The following TUBGCP3 variants were observed in gnomAD, a reference collection of about 807,000 sequenced individuals.
TUBGCP3 encodes the protein tubulin gamma complex component 3, also known as gamma-tubulin complex component 3.
Under a neutral mutation model 123.1 loss-of-function variants are expected in TUBGCP3, and 50 were observed. The observed-to-expected ratio is 0.41, with a 90% CI of 0.32 to 0.51. The LOEUF is 0.51. TUBGCP3 is among the 20% of genes least tolerant of loss of function. The pLI, the probability that TUBGCP3 is intolerant of heterozygous loss-of-function variation, is 0.36. For missense variants in TUBGCP3, 882 were observed against 1,127.0 expected, an observed-to-expected ratio of 0.78 and a Z score of 3.11; for synonymous variants, 405 against 413.9, an observed-to-expected ratio of 0.98 and a Z score of 0.26.
the TUBGCP3 span, among the ~76,000 whole-genome samples, chr13:112,595,529 GTA>G: frequency 6.6e-6 from 1 of 152,120 alleles, no homozygotes; most frequent in Non-Finnish European, 1.5e-5. Flanking sequence ...GTCGTTTAGT[GTA>G]TATATGTTTA....
chr13:112,574,907 A>G (rs1435622550), intron 1 of TUBGCP3, among the ~76,000 whole-genome samples: 1 of 152,216 alleles, frequency 6.6e-6, no homozygotes, highest in Non-Finnish European at 1.5e-5. Context: ...AAAACCTCCG[A>G]GCCAGGCCCA....
the TUBGCP3 span, among the ~76,000 whole-genome samples, chr13:112,601,527 T>A: frequency 6.6e-6 from 1 of 152,168 alleles, no homozygotes; most frequent in Non-Finnish European, 1.5e-5. Context: ...TAACGAGAAG[T>A]GTGTGCTGAG....
Position 112,524,001 on chromosome 13 carries a change from G to A in TUBGCP3, c.1556-1492C>T, listed in dbSNP as rs1164767905. ...AGACCCTGGCAGCCATGGACAGGACGACGGGGACCACAGGAGTCGTCACAG... is the reference window on the plus strand; with the variant it reads ...AGACCCTGGCAGCCATGGACAGGACAACGGGGACCACAGGAGTCGTCACAG... On this transcript the variant is annotated intron_variant, in intron 13 of 21. Transcript: ENST00000261965. This position sits in a 1 kb window ranked among gnomAD's most constrained non-coding sequence, Gnocchi z 4.4. Among the ~76,000 whole-genome samples the A allele has an allele frequency of 6.6e-6, 1 of 152,118 alleles. No homozygotes were observed. Among genetic ancestry groups the A allele is most frequent in the Admixed American group, 6.5e-5 (1 of 15,282 alleles).
intron 11 of TUBGCP3, among the ~76,000 whole-genome samples, chr13:112,541,098 T>A (rs75114025): frequency 0.054 from 8,217 of 152,312 alleles, 249 homozygotes; most frequent in Middle Eastern, 0.11. Context: ...AATCGATTTA[T>A]CAGTTTTTGC....
upstream of TUBGCP3, among the ~76,000 whole-genome samples, chr13:112,591,545 A>T (rs1320179819): frequency 6.6e-6 from 1 of 152,206 alleles, no homozygotes; most frequent in Non-Finnish European, 1.5e-5. Flanking sequence ...TGTGCTAGTA[A>T]ATTACAGGAC....
Position 112,504,521 on chromosome 13 carries a change from C to G in TUBGCP3, c.2175+105G>C, listed in dbSNP as rs1000289804. The stretch of plus-strand genomic sequence containing the variant: ...AAAAAGAAAAAATTATGTATATATA[C>G]ACATATATATACACACATACATACA... On this transcript the variant is annotated intron_variant, in intron 18 of 21. Transcript: ENST00000261965. 1.5e-5 allele frequency: 11 copies of G among 725,544 alleles called. No homozygotes were observed. In the Admixed American group the frequency reaches 2.1e-4, roughly 14 times the overall value. The allele number at this position is 725,544 out of a possible 1,614,324, so 44.9% of individuals were successfully genotyped here.
At position 112,524,458 on chromosome 13, in the gene TUBGCP3, GC is replaced by G. The variant is rs1048384065; in HGVS notation, c.1556-1950del. The stretch of plus-strand genomic sequence containing the variant: ...ATGGGGACGCCCTGTCCCAGGCACA[GC>G]CCATGTGTGCGCCGCCTTCTCTAGG... On this transcript the variant is annotated intron_variant, in intron 13 of 21. Coordinates refer to ENST00000261965, the MANE Select transcript of TUBGCP3 (RefSeq NM_006322.6). The surrounding 1 kb of genome is among the most constrained non-coding windows in gnomAD (Gnocchi z 4.4). Among the ~76,000 whole-genome samples the G allele has an allele frequency of 6.6e-6, 1 of 152,206 alleles. No individual in the cohort carries two copies. The highest frequency in any genetic ancestry group is 2.4e-5 in the African/African-American group (1 of 41,458).
intron 21 of TUBGCP3, among the ~76,000 whole-genome samples, chr13:112,488,069 T>A (rs1378568810): frequency 6.7e-6 from 1 of 150,042 alleles, no homozygotes; most frequent in African/African-American, 2.5e-5. Context: ...GAGACGGGGA[T>A]TGCAGTGAGC....
rs1876871885 is a variant in TUBGCP3, at chr13:112,524,334, T to C, written c.1556-1825A>G. On this transcript the variant is annotated intron_variant, in intron 13 of 21. Transcript: ENST00000261965. The surrounding 1 kb of genome is among the most constrained non-coding windows in gnomAD (Gnocchi z 4.4). ...ATCCTCAGTTGATTGAATCTGCAGA[T>C]GTGGGGCGGTGGGTACAGGGGCCGC... is the stretch of plus-strand genomic sequence containing the variant. 6.6e-6 allele frequency among the ~76,000 whole-genome samples: 1 copy of C among 152,222 alleles called. No homozygotes were observed. The highest frequency in any genetic ancestry group is 1.5e-5 in the Non-Finnish European group (1 of 68,038).
intron 17 of TUBGCP3, among the ~76,000 whole-genome samples, chr13:112,509,247 CG>C (rs1258159715): frequency 1.3e-5 from 2 of 152,322 alleles, no homozygotes; most frequent in African/African-American, 4.8e-5. Flanking sequence ...TGGATTTTCC[CG>C]TATCGATTGA....
Position 112,545,802 on chromosome 13 carries a change from A to G in TUBGCP3, c.1232T>C (p.Met411Thr), listed in dbSNP as rs944979737. Reference protein sequence around the residue: ...HAYTKTGDPYMRSLVQHILSL... With the variant: ...HAYTKTGDPYTRSLVQHILSL... Reference sequence around the variant, plus strand: ...GAGGATGTGCTGCACCAGAGACCGCATGTACGGGTCTCCTGTTTTTGTGTA... The same window carrying G: ...GAGGATGTGCTGCACCAGAGACCGCGTGTACGGGTCTCCTGTTTTTGTGTA... Residue 411 changes from methionine to threonine, a missense_variant, in exon 11 of 22, where the codon ATG (methionine) becomes ACG (threonine). This residue lies in a region of TUBGCP3 where 713 missense variants were observed against 874.0 expected (regional missense o/e 0.82). Transcript: ENST00000261965. The surrounding 1 kb of genome is among the most constrained non-coding windows in gnomAD (Gnocchi z 4.1). 5 of 1,614,190 alleles carry G rather than the reference A, an allele frequency of 3.1e-6. No homozygotes were observed. The highest frequency in any genetic ancestry group is 1.7e-5 in the Admixed American group (1 of 60,028).
chr13:112,579,780 A>G (rs1257903284), intron 1 of TUBGCP3, among the ~76,000 whole-genome samples: 1 of 152,262 alleles, frequency 6.6e-6, no homozygotes, highest in East Asian at 1.9e-4. Context: ...GAGTCTGGCA[A>G]CTTCTGAAAA....
chr13:112,519,014 G>A lies in TUBGCP3; in HGVS notation c.1911C>T (p.Val637=). 2 of 1,614,018 alleles carry A rather than the reference G, an allele frequency of 1.2e-6. No homozygotes were observed. Among genetic ancestry groups the A allele is most frequent in the Non-Finnish European group, 1.7e-6 (2 of 1,179,914 alleles). Residue 637 remains valine, a synonymous_variant, in exon 16 of 22, where the codon GTC becomes GTT. Coordinates refer to ENST00000261965, the MANE Select transcript of TUBGCP3 (RefSeq NM_006322.6). This position sits in a 1 kb window ranked among gnomAD's most constrained non-coding sequence, Gnocchi z 6.2. ...EVSPGDTGWD[V]FSLDYHVDGP... is the part of the protein sequence containing the mutation. Reference sequence around the variant, plus strand: ...CGTCAACATGATAATCGAGGCTGAAGACATCCCATCCAGTGTCACCTGGAG... The same window carrying A: ...CGTCAACATGATAATCGAGGCTGAAAACATCCCATCCAGTGTCACCTGGAG...
At chr13:112,572,738 G>A (rs1881511656) in intron 1 of TUBGCP3, among the ~76,000 whole-genome samples, 1 of 152,038 alleles carries the variant, frequency 6.6e-6, no homozygotes, top group Admixed American at 6.6e-5. Context: ...TACAACAGCA[G>A]CATCAAAGAT....
chr13:112,507,778 C>A (rs1237446716), intron 17 of TUBGCP3, among the ~76,000 whole-genome samples: 1 of 152,098 alleles, frequency 6.6e-6, no homozygotes, highest in Non-Finnish European at 1.5e-5. Context: ...TTCACTGTTG[C>A]GCTATTTATG....
At chr13:112,497,531 G>C (rs1880604955) in intron 20 of TUBGCP3, among the ~76,000 whole-genome samples, 1 of 152,192 alleles carries the variant, frequency 6.6e-6, no homozygotes, top group African/African-American at 2.4e-5. Flanking sequence ...AAACTGTATT[G>C]ACTGAATAAT....
At chr13:112,533,080 G>A (rs974902937) in intron 11 of TUBGCP3, among the ~76,000 whole-genome samples, 12 of 152,220 alleles carry the variant, frequency 7.9e-5, no homozygotes, top group South Asian at 2.1e-4. Flanking sequence ...GGCACTCAAA[G>A]AGCTTCCAGG....
At chr13:112,580,416 G>A (rs1882202714) in intron 1 of TUBGCP3, among the ~76,000 whole-genome samples, 1 of 151,790 alleles carries the variant, frequency 6.6e-6, no homozygotes, top group African/African-American at 2.4e-5. Flanking sequence ...TGGATCACTT[G>A]AGCCCAGGAG....
chr13:112,561,160 T>A (rs1159776831), intron 3 of TUBGCP3, among the ~76,000 whole-genome samples: 3 of 152,082 alleles, frequency 2.0e-5, no homozygotes, highest in African/African-American at 7.2e-5. Context: ...GGGGACAACA[T>A]GAGAGGAAGA....
Sources: allele counts gnomAD v4.1 joint callset (sites outside exome capture counted in the v4.1 genomes callset), GRCh38; gene constraint gnomAD v4.1.1; regional missense constraint gnomAD v4.1.1; non-coding constraint Gnocchi (gnomAD v3.1); transcripts MANE v1.5; gene names NCBI Gene and HGNC (gene_info 2026-07-23, HGNC 2026-07-21).